DPP6: variants seen among roughly 807,000 people sequenced by gnomAD.
DPP6 encodes dipeptidyl peptidase like 6, also known as A-type potassium channel modulatory protein DPP6.
In DPP6, 69 loss-of-function variants were observed where a neutral mutation model predicts 122.6. That is an observed-to-expected ratio of 0.56 (90% CI 0.46 to 0.69). The LOEUF is 0.69. Ranked by LOEUF, DPP6 falls within the 30% of genes least tolerant of loss-of-function variation. The pLI is 0.00. For missense variants in DPP6, 928 were observed against 1,116.9 expected, an observed-to-expected ratio of 0.83 and a Z score of 2.41; for synonymous variants, 418 against 433.1, an observed-to-expected ratio of 0.97 and a Z score of 0.43.
At chr7:154,214,983 G>A (rs1032262381) in intron 1 of DPP6, among the ~76,000 whole-genome samples, 4 of 152,166 alleles carry the variant, frequency 2.6e-5, no homozygotes, top group African/African-American at 9.7e-5. Flanking sequence ...GTGTACCGAA[G>A]CAGCCTAATA....
chr7:154,333,850 T>C (rs1356770575), intron 1 of DPP6, among the ~76,000 whole-genome samples: 1 of 152,240 alleles, frequency 6.6e-6, no homozygotes, highest in Non-Finnish European at 1.5e-5. Flanking sequence ...TTGTAATGAT[T>C]TATATCAGCC....
chr7:154,251,117 C>T (rs79484573), intron 1 of DPP6, among the ~76,000 whole-genome samples: 5,938 of 152,236 alleles, frequency 0.039, 183 homozygotes, highest in East Asian at 0.13. Context: ...TGCGGGAATG[C>T]TGTTATTTTT....
chr7:154,860,569 C>G lies in DPP6; in HGVS notation c.1714+6742C>G, dbSNP rs878742. ...GGGAGAGATGCACCTGGAAAGGGGC[C>G]GAAGAGCTGCCATCTCAATCCAGTC... On this transcript the variant is annotated intron_variant, in intron 17 of 25. Coordinates refer to ENST00000377770, the MANE Select transcript of DPP6 (RefSeq NM_130797.4). Among the ~76,000 whole-genome samples, 34 of 152,202 alleles carry G rather than the reference C, an allele frequency of 2.2e-4. 3 individuals carry two copies. The South Asian group carries it at 4.1e-3, about 19-fold the overall frequency.
At chr7:154,471,026 G>A (rs950154364) in intron 2 of DPP6, among the ~76,000 whole-genome samples, 3 of 152,092 alleles carry the variant, frequency 2.0e-5, no homozygotes, top group Admixed American at 6.5e-5. Context: ...TGAGGTGGGC[G>A]GATCACCTGA....
intron 3 of DPP6, among the ~76,000 whole-genome samples, chr7:154,540,068 G>GC (rs147870613): frequency 0.033 from 4,978 of 152,254 alleles, 274 homozygotes; most frequent in African/African-American, 0.11. Flanking sequence ...TGGCAGCGAA[G>GC]AGCTAATTCC....
chr7:154,041,034 T>C (rs1429255750), intron 1 of DPP6, among the ~76,000 whole-genome samples: 20 of 152,184 alleles, frequency 1.3e-4, no homozygotes, highest in Admixed American at 1.3e-3. Context: ...AAGAGTGTTA[T>C]TTTAAAATAA....
chr7:154,538,559 G>A (rs1828455629), intron 3 of DPP6, among the ~76,000 whole-genome samples: 1 of 152,094 alleles, frequency 6.6e-6, no homozygotes, highest in Admixed American at 6.6e-5. Context: ...GGGTGTCAAA[G>A]GTAGTAAATC....
chr7:153,801,143 G>A, the DPP6 span, among the ~76,000 whole-genome samples: 2 of 149,522 alleles, frequency 1.3e-5, no homozygotes, highest in African/African-American at 2.5e-5. Flanking sequence ...CCCTGTGTGC[G>A]CTTATCTAAT....
intron 1 of DPP6, among the ~76,000 whole-genome samples, chr7:153,963,923 G>A (rs1421814701): frequency 6.6e-6 from 1 of 152,192 alleles, no homozygotes; most frequent in African/African-American, 2.4e-5. Context: ...TGCAGCAGAG[G>A]TGACTGATGA....
chr7:154,739,502 C>T (rs978358270), intron 8 of DPP6, among the ~76,000 whole-genome samples: 5 of 152,124 alleles, frequency 3.3e-5, no homozygotes, highest in Non-Finnish European at 5.9e-5. Context: ...TCACAAATGA[C>T]GTTCTTGAAT....
intron 2 of DPP6, among the ~76,000 whole-genome samples, chr7:154,448,603 G>C (rs902573528): frequency 6.6e-6 from 1 of 151,988 alleles, no homozygotes; most frequent in East Asian, 1.9e-4. Flanking sequence ...AAATGCAAAG[G>C]ACTCATAATA....
intron 1 of DPP6, among the ~76,000 whole-genome samples, chr7:154,031,781 A>G (rs1162964564): frequency 6.6e-6 from 1 of 151,708 alleles, no homozygotes; most frequent in African/African-American, 2.4e-5. Flanking sequence ...TTTTCCTTAC[A>G]AAGTAAATTA....
intron 7 of DPP6, among the ~76,000 whole-genome samples, chr7:154,676,937 GAAGA>G (rs1026029161): frequency 6.6e-6 from 1 of 152,304 alleles, no homozygotes; most frequent in African/African-American, 2.4e-5. Context: ...GTTGTGGGGG[GAAGA>G]AAGAAACAGG....
chr7:154,494,600 A>T lies in DPP6; in HGVS notation c.457+19563A>T, dbSNP rs117983930. On this transcript the variant is annotated intron_variant, in intron 3 of 25. Transcript: ENST00000377770. ...AAAACTCAGATACCTAAATTTCATG[A>T]TAGCTTTCTCCCTGGGAAATTATAT... 4.7e-3 allele frequency among the ~76,000 whole-genome samples: 710 copies of T among 152,114 alleles called. 10 individuals carry two copies. The South Asian group carries it at 0.051, about 11-fold the overall frequency.
At chr7:154,705,184 T>A (rs1308769828) in intron 7 of DPP6, among the ~76,000 whole-genome samples, 1 of 152,112 alleles carries the variant, frequency 6.6e-6, no homozygotes, top group Non-Finnish European at 1.5e-5. Context: ...AGTGGATATA[T>A]TTGTCAGGAT....
At chr7:154,186,059 T>A (rs1272217800) in intron 1 of DPP6, among the ~76,000 whole-genome samples, 1 of 152,238 alleles carries the variant, frequency 6.6e-6, no homozygotes, top group African/African-American at 2.4e-5. Context: ...ATTAGCCTCT[T>A]GGTTTTGTGC....
chr7:154,361,367 A>C (rs536711814), intron 1 of DPP6, among the ~76,000 whole-genome samples: 1 of 152,346 alleles, frequency 6.6e-6, no homozygotes, highest in South Asian at 2.1e-4. Flanking sequence ...TCACAGTGAG[A>C]TAGACCACCA....
At chr7:154,600,047 C>T (rs2130772445) in intron 5 of DPP6, among the ~76,000 whole-genome samples, 1 of 152,262 alleles carries the variant, frequency 6.6e-6, no homozygotes, top group Middle Eastern at 3.4e-3. Flanking sequence ...ATAAAGCTAT[C>T]CTCCTGCTCC....
At chr7:154,043,550 A>C (rs1308346475) in intron 1 of DPP6, among the ~76,000 whole-genome samples, 2 of 150,834 alleles carry the variant, frequency 1.3e-5, no homozygotes, top group South Asian at 2.1e-4. Context: ...AATACTCATG[A>C]GTTCGGTATT....
Sources: allele counts gnomAD v4.1 joint callset (sites outside exome capture counted in the v4.1 genomes callset), GRCh38; gene constraint gnomAD v4.1.1; transcripts MANE v1.5; gene names NCBI Gene and HGNC (gene_info 2026-07-23, HGNC 2026-07-21).